Variants in CAMK2D observed in about 807,000 individuals in gnomAD.
CAMK2D encodes the protein calcium/calmodulin dependent protein kinase II delta, also known as calcium/calmodulin-dependent protein kinase type II subunit delta.
CAMK2D carries 37 observed loss-of-function variants against 84.0 expected under a neutral mutation model. That is an observed-to-expected ratio of 0.44 (90% CI 0.34 to 0.58). The LOEUF is 0.58. Ranked by LOEUF, CAMK2D falls within the 20% of genes least tolerant of loss-of-function variation. The probability of loss-of-function intolerance (pLI) is 0.02; values close to 1 mark genes in which losing one functional copy is unlikely to be tolerated. For synonymous variants in CAMK2D, 202 were observed against 212.5 expected (o/e 0.95, Z 0.43); for missense variants, 448 against 652.5 (o/e 0.69, Z 3.41).
chr4:113,735,592 A>G (rs2099579481), intron 2 of CAMK2D, among the ~76,000 whole-genome samples: 1 of 152,220 alleles, frequency 6.6e-6, no homozygotes, highest in African/African-American at 2.4e-5. Flanking sequence ...AAATCATTTA[A>G]TTCTTACAAT....
chr4:113,729,904 G>A (rs1160281786), intron 2 of CAMK2D, among the ~76,000 whole-genome samples: 2 of 152,102 alleles, frequency 1.3e-5, no homozygotes, highest in Non-Finnish European at 2.9e-5. Flanking sequence ...ATCAACTAGG[G>A]ATTTGATCTT....
At chr4:113,756,727 C>T (rs1289363008) in intron 2 of CAMK2D, among the ~76,000 whole-genome samples, 1 of 151,996 alleles carries the variant, frequency 6.6e-6, no homozygotes, top group Non-Finnish European at 1.5e-5. Context: ...TTAACAACCA[C>T]ATTTGATTCT....
At chr4:113,539,484 C>A (rs1237792894) in intron 6 of CAMK2D, among the ~76,000 whole-genome samples, 2 of 152,202 alleles carry the variant, frequency 1.3e-5, no homozygotes, top group Non-Finnish European at 2.9e-5. Flanking sequence ...TCACTCTTAT[C>A]ACTAAATGAA....
chr4:113,531,949 A>C (rs969845950), intron 7 of CAMK2D, among the ~76,000 whole-genome samples: 49 of 152,214 alleles, frequency 3.2e-4, no homozygotes, highest in Admixed American at 3.2e-3. Context: ...TGAAAATAAC[A>C]GTTTTTTAAA....
intron 16 of CAMK2D, among the ~76,000 whole-genome samples, chr4:113,494,809 C>G (rs1052325730): frequency 5.9e-5 from 9 of 152,206 alleles, no homozygotes; most frequent in Non-Finnish European, 1.0e-4. Context: ...GGGCGTAGGA[C>G]CCTCCGAGCC....
chr4:113,688,991 C>T (rs1478218108), intron 2 of CAMK2D, among the ~76,000 whole-genome samples: 1 of 148,692 alleles, frequency 6.7e-6, no homozygotes, highest in Admixed American at 6.7e-5. Flanking sequence ...ATGCCTGTAA[C>T]CCCAGCACTT....
At chr4:113,690,839 T>C (rs1021426678) in intron 2 of CAMK2D, among the ~76,000 whole-genome samples, 2 of 152,216 alleles carry the variant, frequency 1.3e-5, no homozygotes, top group Non-Finnish European at 2.9e-5. Context: ...ATGGCTGTTC[T>C]GTATTTATTA....
Position 113,661,771 on chromosome 4 carries a change from A to G in CAMK2D, c.162T>C (p.Asp54=). The G allele has an allele frequency of 6.8e-7, 1 of 1,466,222 alleles. No individual in the cohort carries two copies. Among genetic ancestry groups the G allele is most frequent in the Non-Finnish European group, 9.3e-7 (1 of 1,079,332 alleles). The allele number at this position is 1,466,222 out of a possible 1,614,324, so 90.8% of individuals were successfully genotyped here. A position where few individuals can be genotyped will look rare whatever the true frequency, so the allele number is the denominator to read the frequency against. The change falls in exon 3 of 21, where the codon GAT becomes GAC. Residue 54 remains aspartate (D), a splice_region_variant and synonymous_variant. Coordinates refer to ENST00000511664, the MANE Select transcript of CAMK2D (RefSeq NM_001321571.2). Reference sequence around the variant, plus strand: ...TAGCTTCTCTTTCTAGTTTCTGATGATCTGTTAAAAAAAAAAACAGAATAA... The same window carrying G: ...TAGCTTCTCTTTCTAGTTTCTGATGGTCTGTTAAAAAAAAAAACAGAATAA... ...IINTKKLSAR[D]HQKLEREARI...
intron 6 of CAMK2D, among the ~76,000 whole-genome samples, chr4:113,539,562 T>C (rs2098516191): frequency 6.6e-6 from 1 of 152,200 alleles, no homozygotes; most frequent in African/African-American, 2.4e-5. Flanking sequence ...TCAGAAGAAA[T>C]GGAACATCTT....
chr4:113,494,912 G>A (rs181169588), intron 16 of CAMK2D, among the ~76,000 whole-genome samples: 56 of 152,316 alleles, frequency 3.7e-4, no homozygotes, highest in African/African-American at 7.2e-4. Flanking sequence ...TCCAGGTCCC[G>A]TCTGTAACCC....
At chr4:113,510,456 A>AT (rs1007363367) in intron 12 of CAMK2D, among the ~76,000 whole-genome samples, 8 of 150,604 alleles carry the variant, frequency 5.3e-5, no homozygotes, top group South Asian at 4.1e-4. Flanking sequence ...ATGAAACTTC[A>AT]TTTTTTTTGG....
intron 3 of CAMK2D, among the ~76,000 whole-genome samples, chr4:113,630,629 G>T (rs2099085775): frequency 6.6e-6 from 1 of 152,122 alleles, no homozygotes; most frequent in Admixed American, 6.6e-5. Context: ...AATGCCACCA[G>T]GACCAATGTC....
At chr4:113,747,210 AT>A (rs556540130) in intron 2 of CAMK2D, among the ~76,000 whole-genome samples, 159 of 152,060 alleles carry the variant, frequency 1.0e-3, no homozygotes, top group African/African-American at 3.5e-3. Context: ...GTTTCATTAT[AT>A]AAATCATGGG....
chr4:113,528,608 G>A (rs971626653), intron 8 of CAMK2D, among the ~76,000 whole-genome samples: 1 of 151,866 alleles, frequency 6.6e-6, no homozygotes, highest in Admixed American at 6.6e-5. Flanking sequence ...ACTGACTATT[G>A]TATGCCACAC....
intron 4 of CAMK2D, among the ~76,000 whole-genome samples, chr4:113,601,683 C>CTTTT (rs755850795): frequency 4.4e-5 from 2 of 45,816 alleles, no homozygotes; most frequent in African/African-American, 1.9e-4. Flanking sequence ...ACTGTTTATT[C>CTTTT]TTTTTTTTTT....
chr4:113,678,992 T>C (rs181271578), intron 2 of CAMK2D, among the ~76,000 whole-genome samples: 100 of 152,282 alleles, frequency 6.6e-4, no homozygotes, highest in Middle Eastern at 6.8e-3. Context: ...ATAACCACTA[T>C]TCTGATTTCT....
At chr4:113,486,465 C>A (rs1393121402) in intron 16 of CAMK2D, among the ~76,000 whole-genome samples, 1 of 152,026 alleles carries the variant, frequency 6.6e-6, no homozygotes, top group African/African-American at 2.4e-5. Flanking sequence ...TAAGAAAACT[C>A]AATATTTCAG....
chr4:113,591,962 C>T (rs2098889202), intron 4 of CAMK2D, among the ~76,000 whole-genome samples: 3 of 152,168 alleles, frequency 2.0e-5, no homozygotes, highest in Non-Finnish European at 4.4e-5. Context: ...GTTGTAAGCT[C>T]TTTGTAGGCA....
chr4:113,486,836 A>C (rs1321933592), intron 16 of CAMK2D, among the ~76,000 whole-genome samples: 1 of 152,192 alleles, frequency 6.6e-6, no homozygotes, highest in East Asian at 1.9e-4. Context: ...CTATTGATTT[A>C]TACTAGAATA....
Sources: allele counts gnomAD v4.1 joint callset (sites outside exome capture counted in the v4.1 genomes callset), GRCh38; gene constraint gnomAD v4.1.1; transcripts MANE v1.5; gene names NCBI Gene and HGNC (gene_info 2026-07-23, HGNC 2026-07-21).